Variants in PASD1 observed in about 807,000 individuals in gnomAD.
PASD1 encodes the protein PAS domain containing repressor 1, also known as circadian clock protein PASD1.
PASD1 carries 13 observed loss-of-function variants against 58.8 expected under a neutral mutation model. That is an observed-to-expected ratio of 0.22 (90% confidence interval 0.14 to 0.35). The LOEUF (loss-of-function observed/expected upper bound fraction) is 0.35, where lower values mean the gene tolerates loss of function less well. Among genes scored for constraint, PASD1 ranks in the 10% least tolerant of loss-of-function variants. PASD1 has a pLI of 1.00. For synonymous variants in PASD1, 236 were observed against 216.7 expected, an observed-to-expected ratio of 1.09 and a Z score of -0.78; for missense variants, 734 against 568.3, an observed-to-expected ratio of 1.29 and a Z score of -2.96.
chrX:151,624,139 G>C (rs1276191788), intron 7 of PASD1, among the ~76,000 whole-genome samples: 1 of 111,882 alleles, frequency 8.9e-6, no homozygotes, highest in Non-Finnish European at 1.9e-5. Flanking sequence ...ATAGGGGCTT[G>C]GACTATGATT....
chrX:151,567,498 T>C (rs1299888845), intron 1 of PASD1, among the ~76,000 whole-genome samples: 1 of 111,279 alleles, frequency 9.0e-6, no homozygotes, highest in Non-Finnish European at 1.9e-5. Context: ...TGGGGACTAC[T>C]AGCACCTCTT....
chrX:151,601,549 A>C lies in PASD1; in HGVS notation c.-5A>C, dbSNP rs374661476. 2.5e-6 allele frequency: 3 copies of C among 1,208,728 alleles called. No homozygotes were observed. The highest frequency in any genetic ancestry group is 3.4e-6 in the Non-Finnish European group (3 of 893,995). ...CAGGAGTCTTCCTACGTCACTGAAT[A>C]ATGAATGAAGATGAGAGGGGAAAAG... On this transcript the variant is annotated 5_prime_UTR_variant, in exon 2 of 16. Coordinates refer to ENST00000370357, the MANE Select transcript of PASD1 (RefSeq NM_173493.3).
chrX:151,673,680 A>G, intron 14 of PASD1: 1 of 427,264 alleles, frequency 2.3e-6, no homozygotes, highest in Non-Finnish European at 4.1e-6. Flanking sequence ...TAGCAGGAAC[A>G]AGACTGTCCA....
chrX:151,674,971 C>A (rs930521539), intron 15 of PASD1, among the ~76,000 whole-genome samples: 1 of 111,907 alleles, frequency 8.9e-6, no homozygotes, highest in Non-Finnish European at 1.9e-5. Context: ...ACCAGTACTG[C>A]TAGAAACTTG....
In PASD1 at chrX:151,672,099, G is replaced by A. The variant is rs1384005818; in HGVS notation, c.1438-84G>A. ...CAACTGTTGTCACCTTTTGCTTTGC[G>A]AGAATTGAATGGGAGTGTTAAATAA... On this transcript the variant is annotated intron_variant, in intron 13 of 15. Coordinates refer to ENST00000370357, the MANE Select transcript of PASD1 (RefSeq NM_173493.3). The A allele has an allele frequency of 8.2e-6, 9 of 1,101,517 alleles. No homozygotes were observed. In the East Asian group the frequency reaches 9.9e-5, roughly 12 times the overall value. 90.8% of individuals were successfully genotyped at this position (1,101,517 alleles called of 1,213,427 possible).
chrX:151,663,993 A>C (rs1569415701), intron 10 of PASD1, 126 bp from the exon 11 acceptor site: 1 of 1,012,612 alleles, frequency 9.9e-7, no homozygotes, highest in African/African-American at 1.9e-5. Flanking sequence ...TAATATTCTG[A>C]ATGATTCCTG....
chrX:151,663,117 A>G (rs921526429), intron 10 of PASD1, among the ~76,000 whole-genome samples: 11 of 111,838 alleles, frequency 9.8e-5, no homozygotes, highest in African/African-American at 3.3e-4. Flanking sequence ...ATGGATTTTG[A>G]CAAATGTTGA....
chrX:151,599,786 C>T lies in PASD1; in HGVS notation c.-27-1741C>T, dbSNP rs2013384488. Among the ~76,000 whole-genome samples, 4 of 108,511 alleles carry T rather than the reference C, an allele frequency of 3.7e-5. No homozygotes were observed. The South Asian group carries it at 1.3e-3, about 34-fold the overall frequency. 94.2% of individuals were successfully genotyped at this position (108,511 alleles called of 115,157 possible). A position where few individuals can be genotyped will look rare whatever the true frequency, so the allele number is the denominator to read the frequency against. ...GGCGCTCCTCACTTCCCAGACTGGG[C>T]GGCCGGGCAGAGGGCCTCCTCACAT... On this transcript the variant is annotated intron_variant, in intron 1 of 15. Transcript: ENST00000370357.
At chrX:151,612,539 G>A (rs1487807927) in intron 4 of PASD1, among the ~76,000 whole-genome samples, 1 of 110,955 alleles carries the variant, frequency 9.0e-6, no homozygotes, top group African/African-American at 3.3e-5. Flanking sequence ...TCTCGTTGTG[G>A]TTTTGATTTG....
intron 1 of PASD1, among the ~76,000 whole-genome samples, chrX:151,597,149 A>G (rs1169804585): frequency 8.9e-6 from 1 of 112,028 alleles, no homozygotes; most frequent in Non-Finnish European, 1.9e-5. Flanking sequence ...CTGGTTTGGT[A>G]TGAAGAATAT....
intron 1 of PASD1, among the ~76,000 whole-genome samples, chrX:151,569,893 G>T (rs1476817847): frequency 4.5e-5 from 5 of 110,962 alleles, no homozygotes; most frequent in Admixed American, 2.9e-4. Flanking sequence ...TGAGAACAAT[G>T]TGGCTCATAC....
At chrX:151,611,043 A>C (rs56180962) in intron 3 of PASD1, among the ~76,000 whole-genome samples, 42,645 of 110,670 alleles carry the variant, frequency 0.39, 6,184 homozygotes, top group African/African-American at 0.44. Flanking sequence ...TCAGTGTTGG[A>C]AGATAGTCTC....
intron 6 of PASD1, 87 bp from the exon 7 acceptor site, chrX:151,622,850 C>T (rs760584700): frequency 1.0e-6 from 1 of 987,147 alleles, no homozygotes; most frequent in South Asian, 3.0e-5. Flanking sequence ...AATGGGTTAG[C>T]AAACAGCACA....
intron 11 of PASD1, among the ~76,000 whole-genome samples, chrX:151,668,501 C>G (rs777519399): frequency 8.2e-5 from 9 of 110,254 alleles, no homozygotes; most frequent in Non-Finnish European, 1.7e-4. Flanking sequence ...ATCAAATAGA[C>G]GCAATAAAAA....
chrX:151,611,781 G>T, intron 4 of PASD1, 28 bp downstream of exon 4: 2 of 1,078,356 alleles, frequency 1.9e-6, no homozygotes, highest in Non-Finnish European at 2.6e-6. Flanking sequence ...TTGGGAAAGT[G>T]GATCATTCTG....
At chrX:151,624,893 C>T (rs2013763767) in intron 7 of PASD1, among the ~76,000 whole-genome samples, 1 of 111,916 alleles carries the variant, frequency 8.9e-6, no homozygotes, top group African/African-American at 3.2e-5. Flanking sequence ...ATTCATTATT[C>T]CGTCTTTGTA....
intron 7 of PASD1, among the ~76,000 whole-genome samples, chrX:151,624,566 G>A (rs1179624687): frequency 8.1e-5 from 9 of 111,228 alleles, no homozygotes; most frequent in Non-Finnish European, 1.5e-4. Flanking sequence ...TTCTATTAGG[G>A]TTGTAAGGAG....
chrX:151,584,337 C>T (rs2013137705), intron 1 of PASD1, among the ~76,000 whole-genome samples: 1 of 112,041 alleles, frequency 8.9e-6, no homozygotes, highest in Admixed American at 9.4e-5. Flanking sequence ...TTAAGTTCTA[C>T]AGGCTGATTG....
intron 8 of PASD1, among the ~76,000 whole-genome samples, chrX:151,628,027 C>A (rs2013814279): frequency 9.0e-6 from 1 of 111,425 alleles, no homozygotes; most frequent in Non-Finnish European, 1.9e-5. Context: ...CTGTTCATAT[C>A]CTTCGCCCAC....
Sources: allele counts gnomAD v4.1 joint callset (sites outside exome capture counted in the v4.1 genomes callset), GRCh38; gene constraint gnomAD v4.1.1; transcripts MANE v1.5; gene names NCBI Gene and HGNC (gene_info 2026-07-23, HGNC 2026-07-21).